Variants in ARNT2 observed in about 807,000 individuals in gnomAD.
ARNT2 encodes the protein aryl hydrocarbon receptor nuclear translocator 2, also known as ARNT protein 2.
In ARNT2, 36 loss-of-function variants were observed where a neutral mutation model predicts 91.7. The observed-to-expected ratio is 0.39, with a 90% confidence interval of 0.30 to 0.52. The LOEUF (loss-of-function observed/expected upper bound fraction) is 0.52, where lower values mean the gene tolerates loss of function less well. Among genes scored for constraint, ARNT2 ranks in the 20% least tolerant of loss-of-function variants. ARNT2 has a pLI of 0.72. For synonymous variants in ARNT2, 365 were observed against 347.1 expected (o/e 1.05, Z -0.57); for missense variants, 775 against 939.3 (o/e 0.83, Z 2.29).
At chr15:80,563,395 A>T (rs556296961) in intron 12 of ARNT2, among the ~76,000 whole-genome samples, 156 bp downstream of exon 12, 1 of 152,298 alleles carries the variant, frequency 6.6e-6, no homozygotes, top group Non-Finnish European at 1.5e-5. Context: ...GGTCCCCATC[A>T]CTGTCTCCCT....
chr15:80,432,875 C>T (rs759088276), intron 1 of ARNT2, among the ~76,000 whole-genome samples: 5 of 152,068 alleles, frequency 3.3e-5, no homozygotes, highest in East Asian at 1.9e-4. Context: ...ATTAAGACAT[C>T]GAGGAGCATC....
chr15:80,593,789 C>A lies in ARNT2; in HGVS notation c.*91C>A. ...ATGAGGCCCACCCTCGCCCTGCTTG[C>A]CCTGCCGCAGGCCCCCCACCAGAAG... On this transcript the variant is annotated 3_prime_UTR_variant, in exon 19 of 19. Transcript: ENST00000303329. The A allele has an allele frequency of 8.1e-7, 1 of 1,241,486 alleles. No homozygotes were observed. Among genetic ancestry groups the A allele is most frequent in the Non-Finnish European group, 1.1e-6 (1 of 882,912 alleles). 76.9% of individuals were successfully genotyped at this position (1,241,486 alleles called of 1,614,324 possible).
intron 6 of ARNT2, 101 bp from the exon 7 acceptor site, chr15:80,513,808 ATG>A: frequency 1.0e-6 from 1 of 982,074 alleles, no homozygotes; most frequent in Non-Finnish European, 1.6e-6. Flanking sequence ...ACCTGAATAA[ATG>A]TGTAAGCATC....
chr15:80,427,964 T>A (rs974168414), intron 1 of ARNT2, among the ~76,000 whole-genome samples: 4 of 152,256 alleles, frequency 2.6e-5, no homozygotes, highest in Admixed American at 2.6e-4. Flanking sequence ...TCTCCCACTG[T>A]CTTCTCCAGC....
chr15:80,488,932 G>A lies in ARNT2; in HGVS notation c.622+13709G>A, dbSNP rs777541529. On this transcript the variant is annotated intron_variant, in intron 5 of 18. Coordinates refer to ENST00000303329, the MANE Select transcript of ARNT2 (RefSeq NM_014862.4). ...TTATCCTAACTTTGATGTTCAGGAAGCCAATCGACAAATACTTTTTTCTTC... is the reference window on the plus strand; with the variant it reads ...TTATCCTAACTTTGATGTTCAGGAAACCAATCGACAAATACTTTTTTCTTC... 7.9e-5 allele frequency among the ~76,000 whole-genome samples: 12 copies of A among 152,318 alleles called. No individual in the cohort carries two copies. In the South Asian group the frequency reaches 1.0e-3, roughly 13 times the overall value.
At chr15:80,433,448 G>A (rs1896041297) in intron 1 of ARNT2, among the ~76,000 whole-genome samples, 2 of 151,596 alleles carry the variant, frequency 1.3e-5, no homozygotes. Context: ...ACCACGCCCG[G>A]CTAATTTTTG....
At chr15:80,587,694 GCCCATAACACAGT>G (rs1893199309) in intron 17 of ARNT2, among the ~76,000 whole-genome samples, 1 of 152,204 alleles carries the variant, frequency 6.6e-6, no homozygotes, top group Non-Finnish European at 1.5e-5. Flanking sequence ...GGTGTTATCA[GCCCATAACACAGT>G]CTATCTGGGC....
chr15:80,516,828 A>ATATATATAT (rs1897440952), intron 8 of ARNT2, among the ~76,000 whole-genome samples: 1 of 74,800 alleles, frequency 1.3e-5, no homozygotes. Context: ...TACAATTACA[A>ATATATATAT]ATATATATAT....
chr15:80,505,462 G>T (rs1417204096), intron 5 of ARNT2, among the ~76,000 whole-genome samples: 1 of 152,240 alleles, frequency 6.6e-6, no homozygotes, highest in East Asian at 1.9e-4. Context: ...CTGATCAGAT[G>T]TTGGAGTTTT....
At chr15:80,533,327 G>A (rs182109264) in intron 8 of ARNT2, among the ~76,000 whole-genome samples, 6 of 152,332 alleles carry the variant, frequency 3.9e-5, no homozygotes, top group South Asian at 2.1e-4. Flanking sequence ...CACTGATGGC[G>A]GTGAGAGGTG....
intron 11 of ARNT2, chr15:80,562,828 A>G (rs983408395): frequency 2.3e-5 from 12 of 528,692 alleles, no homozygotes; most frequent in Non-Finnish European, 4.1e-5. Context: ...AAGTTCTGCT[A>G]TAAAGCAGGC....
At chr15:80,477,536 C>T (rs1896825580) in intron 5 of ARNT2, among the ~76,000 whole-genome samples, 1 of 152,168 alleles carries the variant, frequency 6.6e-6, no homozygotes, top group South Asian at 2.1e-4. Context: ...GGTTTGTTGT[C>T]CCCTAAGGCC....
chr15:80,552,573 A>G, intron 9 of ARNT2, 67 bp from the exon 10 acceptor site: 1 of 1,559,670 alleles, frequency 6.4e-7, no homozygotes. Flanking sequence ...TATTCTTCTC[A>G]TCTCTGTCAC....
chr15:80,577,115 C>T, intron 15 of ARNT2, 150 bp downstream of exon 15: 1 of 724,850 alleles, frequency 1.4e-6, no homozygotes. Flanking sequence ...TCTGGTGGCT[C>T]TGCTTCTGCT....
At chr15:80,563,637 G>C (rs1321206637) in intron 12 of ARNT2, among the ~76,000 whole-genome samples, 1 of 152,210 alleles carries the variant, frequency 6.6e-6, no homozygotes, top group Non-Finnish European at 1.5e-5. Flanking sequence ...CGGGGGTGGA[G>C]GAAGGGAGGC....
chr15:80,582,672 C>A (rs1348289228), intron 17 of ARNT2, among the ~76,000 whole-genome samples: 1 of 152,146 alleles, frequency 6.6e-6, no homozygotes, highest in African/African-American at 2.4e-5. Context: ...AGCCTTAGTC[C>A]CATTTACTTG....
intron 11 of ARNT2, among the ~76,000 whole-genome samples, chr15:80,559,327 A>C (rs34481996): frequency 0.85 from 128,345 of 151,260 alleles, 54,712 homozygotes; most frequent in East Asian, 0.95. Flanking sequence ...CCAGCCCCAG[A>C]CCCAGCCCCA....
intron 12 of ARNT2, among the ~76,000 whole-genome samples, chr15:80,565,645 T>G (rs1253827034): frequency 6.6e-6 from 1 of 152,196 alleles, no homozygotes; most frequent in Non-Finnish European, 1.5e-5. Context: ...GATGAGCATT[T>G]TTTTCATTTG....
chr15:80,462,362 A>G (rs1203664501), intron 3 of ARNT2, among the ~76,000 whole-genome samples: 1 of 152,222 alleles, frequency 6.6e-6, no homozygotes, highest in Admixed American at 6.5e-5. Flanking sequence ...CACCGTGCTC[A>G]TCGTGTGCCT....
Sources: allele counts gnomAD v4.1 joint callset (sites outside exome capture counted in the v4.1 genomes callset), GRCh38; gene constraint gnomAD v4.1.1; transcripts MANE v1.5; gene names NCBI Gene and HGNC (gene_info 2026-07-23, HGNC 2026-07-21).